The following MSH3 variants were observed in gnomAD, a reference collection of about 807,000 sequenced individuals.
MSH3 encodes the protein DNA mismatch repair protein Msh3.
Under a neutral mutation model 123.3 loss-of-function variants are expected in MSH3, and 106 were observed. The observed-to-expected ratio is 0.86, with a 90% confidence interval of 0.73 to 1.01. The LOEUF (loss-of-function observed/expected upper bound fraction) is 1.01. MSH3 is among the 50% of genes least tolerant of loss of function. MSH3 has a pLI of 0.00. For missense variants in MSH3, 1,459 were observed against 1,347.6 expected (o/e 1.08, Z -1.29); for synonymous variants, 515 against 481.4 (o/e 1.07, Z -0.91).
intron 10 of MSH3, among the ~76,000 whole-genome samples, chr5:80,739,721 A>T (rs1470237890): frequency 6.6e-6 from 1 of 152,256 alleles, no homozygotes; most frequent in East Asian, 1.9e-4. Context: ...TGTCACAGAT[A>T]CATTACACTA....
chr5:80,830,372 A>G (rs1745396516), intron 20 of MSH3, among the ~76,000 whole-genome samples: 2 of 152,186 alleles, frequency 1.3e-5, no homozygotes, highest in Admixed American at 1.3e-4. Context: ...CATTGTTTGC[A>G]TTTTAATTTC....
chr5:80,742,710 A>G (rs1024483494), intron 11 of MSH3, among the ~76,000 whole-genome samples: 1 of 152,108 alleles, frequency 6.6e-6, no homozygotes, highest in Non-Finnish European at 1.5e-5. Flanking sequence ...TTATCTTGTC[A>G]TCATCCAAAA....
chr5:80,667,774 G>A (rs959974550), intron 3 of MSH3, among the ~76,000 whole-genome samples: 1 of 152,210 alleles, frequency 6.6e-6, no homozygotes, highest in African/African-American at 2.4e-5. Flanking sequence ...AGGAACTGCA[G>A]AGCCCCAGAG....
intron 20 of MSH3, among the ~76,000 whole-genome samples, chr5:80,820,188 A>G (rs907130236): frequency 1.3e-5 from 2 of 152,254 alleles, no homozygotes; most frequent in Admixed American, 6.5e-5. Context: ...TCAATGCCCA[A>G]TACTGCTGTG....
At chr5:80,741,385 C>A in intron 10 of MSH3, 79 bp from the exon 11 acceptor site, 1 of 930,646 alleles carries the variant, frequency 1.1e-6, no homozygotes, top group Non-Finnish European at 1.8e-6. Context: ...ATGTAGCTGG[C>A]ATGTTTCTAG....
intron 21 of MSH3, among the ~76,000 whole-genome samples, chr5:80,854,981 CTG>C (rs1745891722): frequency 6.6e-6 from 1 of 152,290 alleles, no homozygotes; most frequent in South Asian, 2.1e-4. Flanking sequence ...AAGGATCTCA[CTG>C]TGAGATCTTT....
chr5:80,654,985 G>C (rs972599756), intron 1 of MSH3, 21 bp downstream of exon 1: 5 of 1,399,640 alleles, frequency 3.6e-6, no homozygotes, highest in Non-Finnish European at 4.7e-6. Flanking sequence ...TCTGGGACTG[G>C]GCAGGGCCAT....
intron 3 of MSH3, among the ~76,000 whole-genome samples, chr5:80,669,811 A>G (rs1749664531): frequency 6.6e-6 from 1 of 152,252 alleles, no homozygotes; most frequent in African/African-American, 2.4e-5. Flanking sequence ...AGATTTAATG[A>G]AATCAAATTT....
At position 80,672,225 on chromosome 5, in the gene MSH3, TTC is replaced by T. The variant is rs773714219; in HGVS notation, c.793-17_793-16del. On this transcript the variant is annotated splice_polypyrimidine_tract_variant and intron_variant, in intron 4 of 23. Transcript: ENST00000265081. Reference sequence around the variant, plus strand: ...CTTAAAATATAAATTTATTGATATTTTCTTTTTTCATTTTTTAGATTGCAGCC... The same window carrying T: ...CTTAAAATATAAATTTATTGATATTTTTTTTTCATTTTTTAGATTGCAGCC... The T allele has an allele frequency of 7.2e-6, 11 of 1,523,148 alleles. 1 individual carries two copies. The highest frequency in any genetic ancestry group is 4.1e-5 in the African/African-American group (3 of 73,000). The allele number at this position is 1,523,148 out of a possible 1,614,324, so 94.4% of individuals were successfully genotyped here. A position where few individuals can be genotyped will look rare whatever the true frequency, so the allele number is the denominator to read the frequency against.
At chr5:80,684,990 C>T (rs1192001476) in intron 8 of MSH3, among the ~76,000 whole-genome samples, 2 of 151,816 alleles carry the variant, frequency 1.3e-5, no homozygotes, top group African/African-American at 4.8e-5. Context: ...GTTGAACCGT[C>T]TTTGCATCTC....
chr5:80,753,905 A>G (rs1743880100), intron 12 of MSH3, among the ~76,000 whole-genome samples: 1 of 152,142 alleles, frequency 6.6e-6, no homozygotes, highest in Admixed American at 6.6e-5. Flanking sequence ...ATTGGCACAT[A>G]CCCTTCTGCC....
chr5:80,674,872 G>T lies in MSH3; in HGVS notation c.1028-111G>T, dbSNP rs573008523. On this transcript the variant is annotated intron_variant, in intron 6 of 23. Coordinates refer to ENST00000265081, the MANE Select transcript of MSH3 (RefSeq NM_002439.5). Reference sequence around the variant, plus strand: ...TGGGATTACAGGTGTGAGCCACTGCGCCTGGCTGTGAACCATTATTTTAAA... The same window carrying T: ...TGGGATTACAGGTGTGAGCCACTGCTCCTGGCTGTGAACCATTATTTTAAA... 430 of 966,258 alleles carry T rather than the reference G, an allele frequency of 4.5e-4. 3 individuals carry two copies. In the African/African-American group the frequency reaches 6.0e-3, roughly 14 times the overall value. 59.9% of individuals were successfully genotyped at this position (966,258 alleles called of 1,614,324 possible).
intron 21 of MSH3, among the ~76,000 whole-genome samples, chr5:80,854,767 C>T (rs1745888549): frequency 6.6e-6 from 1 of 152,048 alleles, no homozygotes; most frequent in African/African-American, 2.4e-5. Flanking sequence ...ATATATGTTC[C>T]TTTTTTTGCT....
At chr5:80,705,323 T>C (rs1314180409) in intron 8 of MSH3, among the ~76,000 whole-genome samples, 4 of 152,250 alleles carry the variant, frequency 2.6e-5, no homozygotes, top group African/African-American at 7.2e-5. Flanking sequence ...AAAATGCCGA[T>C]GCCTGAGTTT....
chr5:80,769,143 TAAC>T lies in MSH3; in HGVS notation c.2253+141_2253+143del, dbSNP rs56135406. On this transcript the variant is annotated intron_variant, in intron 15 of 23. Transcript: ENST00000265081. The stretch of plus-strand genomic sequence containing the variant: ...TTTATTCCTTGGAAATATGTTGTAA[TAAC>T]TTGTTTTGATAAGAGTTATTTTAAT... 6,032 of 751,462 alleles carry T rather than the reference TAAC, an allele frequency of 8.0e-3. 230 individuals carry two copies. In the African/African-American group the frequency reaches 0.091, roughly 11 times the overall value. The allele number at this position is 751,462 out of a possible 1,614,324, so 46.5% of individuals were successfully genotyped here.
chr5:80,690,817 C>G (rs1750222531), intron 8 of MSH3, among the ~76,000 whole-genome samples: 1 of 152,084 alleles, frequency 6.6e-6, no homozygotes, highest in African/African-American at 2.4e-5. Context: ...TAGGTTGTGA[C>G]TAACATTTTA....
intron 9 of MSH3, among the ~76,000 whole-genome samples, chr5:80,727,334 C>T (rs1743318608): frequency 6.6e-6 from 1 of 152,178 alleles, no homozygotes; most frequent in Non-Finnish European, 1.5e-5. Context: ...TTCATTTACA[C>T]TCTGGTTTTA....
intron 8 of MSH3, among the ~76,000 whole-genome samples, chr5:80,680,238 C>T (rs140914140): frequency 1.7e-3 from 250 of 150,186 alleles, no homozygotes; most frequent in Middle Eastern, 0.014. Flanking sequence ...CCAGCCTGGG[C>T]GAAAGAGCAA....
chr5:80,786,449 C>G (rs1020592198), intron 17 of MSH3, among the ~76,000 whole-genome samples: 70 of 152,176 alleles, frequency 4.6e-4, no homozygotes, highest in African/African-American at 1.6e-3. Context: ...TTCCTTTCAG[C>G]TTTCCTTTTG....
Sources: gnomAD v4.1 joint callset for allele counts (sites outside exome capture counted in the v4.1 genomes callset) on GRCh38, gnomAD v4.1.1 for gene constraint, MANE v1.5 for transcripts, NCBI Gene and HGNC (gene_info 2026-07-23, HGNC 2026-07-21) for gene names.